CNIH3: variants seen among roughly 807,000 people sequenced by gnomAD.
CNIH3 encodes the protein protein cornichon homolog 3.
In CNIH3, 14 loss-of-function variants were observed where a neutral mutation model predicts 24.1. The observed-to-expected ratio is 0.58, with a 90% CI of 0.38 to 0.91. The LOEUF is 0.91. Ranked by LOEUF, CNIH3 falls within the 40% of genes least tolerant of loss-of-function variation. CNIH3 has a pLI of 0.00. For synonymous variants in CNIH3, 68 were observed against 73.8 expected (o/e 0.92, Z 0.40); for missense variants, 178 against 196.8 (o/e 0.90, Z 0.57).
intron 3 of CNIH3, among the ~76,000 whole-genome samples, chr1:224,594,720 C>T (rs980338721): frequency 6.6e-6 from 1 of 152,170 alleles, no homozygotes; most frequent in South Asian, 2.1e-4. Context: ...TAGGGATGGT[C>T]TCTAGTTGCC....
intron 1 of CNIH3, among the ~76,000 whole-genome samples, chr1:224,475,780 A>G (rs2103004422): frequency 6.6e-6 from 1 of 152,324 alleles, no homozygotes; most frequent in Middle Eastern, 3.4e-3. Context: ...AACTAGACAA[A>G]GCCTCACCAA....
At chr1:224,449,087 C>T (rs556451471) in intron 1 of CNIH3, among the ~76,000 whole-genome samples, 1 of 151,736 alleles carries the variant, frequency 6.6e-6, no homozygotes, top group East Asian at 2.0e-4. Context: ...GCCTCAGCCT[C>T]CCAAGTAGCT....
At chr1:224,524,815 T>C (rs72758387) in intron 2 of CNIH3, among the ~76,000 whole-genome samples, 1,636 of 152,260 alleles carry the variant, frequency 0.011, 12 homozygotes, top group Non-Finnish European at 0.018. Context: ...CGAGATTGTG[T>C]GGTTTATCCC....
chr1:224,688,525 C>T lies in CNIH3; in HGVS notation c.198+3682C>T, dbSNP rs150302872. Among the ~76,000 whole-genome samples, 18 of 152,052 alleles carry T rather than the reference C, an allele frequency of 1.2e-4. No homozygotes were observed. In the East Asian group the frequency reaches 3.6e-3, roughly 31 times the overall value. On this transcript the variant is annotated intron_variant, in intron 3 of 5. Coordinates refer to ENST00000272133, the MANE Select transcript of CNIH3 (RefSeq NM_152495.2). ...ACTAAGTAAGTGAGTGAATGAGTGCCAACTTTCTGGGACTTCTGTCATCTA... is the reference window on the plus strand; with the variant it reads ...ACTAAGTAAGTGAGTGAATGAGTGCTAACTTTCTGGGACTTCTGTCATCTA...
At chr1:224,536,732 C>T (rs1191584452) in intron 2 of CNIH3, among the ~76,000 whole-genome samples, 8 of 152,020 alleles carry the variant, frequency 5.3e-5, no homozygotes, top group African/African-American at 1.9e-4. Flanking sequence ...AATGATTGTC[C>T]AAAGAAAGAC....
chr1:224,637,438 A>G (rs1174090053), intron 1 of CNIH3, among the ~76,000 whole-genome samples: 2 of 151,086 alleles, frequency 1.3e-5, no homozygotes, highest in South Asian at 2.1e-4. Flanking sequence ...CTGCCAAACA[A>G]GGGGCAAAAC....
chr1:224,727,642 T>G (rs535253447), intron 3 of CNIH3, among the ~76,000 whole-genome samples: 2 of 152,284 alleles, frequency 1.3e-5, no homozygotes, highest in Admixed American at 6.5e-5. Context: ...GCAGGCCTCA[T>G]GCAAATGGCC....
At chr1:224,585,477 C>CT (rs200807437) in intron 5 of CNIH3, among the ~76,000 whole-genome samples, 24,482 of 145,188 alleles carry the variant, frequency 0.17, 2,086 homozygotes, top group East Asian at 0.21. Context: ...TTCTTTTATT[C>CT]TTTTTTTTTT....
chr1:224,589,478 G>T (rs1358239276), downstream of CNIH3, among the ~76,000 whole-genome samples: 1 of 152,214 alleles, frequency 6.6e-6, no homozygotes, highest in African/African-American at 2.4e-5. Context: ...TGAGTGAGCT[G>T]CAGCCTGCAG....
chr1:224,576,525 C>T (rs554063319), intron 4 of CNIH3, among the ~76,000 whole-genome samples: 1 of 152,274 alleles, frequency 6.6e-6, no homozygotes, highest in South Asian at 2.1e-4. Context: ...ACTTATTTCC[C>T]ACTAAGGAAG....
intron 1 of CNIH3, chr1:224,661,588 CT>C: frequency 2.6e-6 from 1 of 379,240 alleles, no homozygotes; most frequent in Non-Finnish European, 5.0e-6. Flanking sequence ...AAAAAATTCC[CT>C]GAAGACATCA....
intron 1 of CNIH3, among the ~76,000 whole-genome samples, chr1:224,634,404 A>G (rs1437672775): frequency 6.6e-6 from 1 of 152,020 alleles, no homozygotes; most frequent in African/African-American, 2.4e-5. Flanking sequence ...CCCCGTCTCT[A>G]CTAAAAGTAC....
chr1:224,619,720 T>C (rs1410337018), intron 1 of CNIH3, among the ~76,000 whole-genome samples: 2 of 152,218 alleles, frequency 1.3e-5, no homozygotes, highest in Non-Finnish European at 2.9e-5. Context: ...CAGCTTCTTA[T>C]ATTACTTATG....
At chr1:224,677,575 A>C (rs987975348) in intron 1 of CNIH3, among the ~76,000 whole-genome samples, 6 of 152,224 alleles carry the variant, frequency 3.9e-5, no homozygotes, top group Non-Finnish European at 8.8e-5. Context: ...GGCATAAGCC[A>C]CACTTCAGGC....
chr1:224,717,965 C>T (rs1688513897), intron 3 of CNIH3, among the ~76,000 whole-genome samples: 1 of 152,146 alleles, frequency 6.6e-6, no homozygotes, highest in Non-Finnish European at 1.5e-5. Context: ...GATAGCTATG[C>T]TTGTGTGGGG....
chr1:224,475,030 A>C (rs1259901996), intron 1 of CNIH3, among the ~76,000 whole-genome samples: 1 of 130,874 alleles, frequency 7.6e-6, no homozygotes, highest in African/African-American at 3.0e-5. Flanking sequence ...GAGCGACAGA[A>C]GGAGACTCCA....
At chr1:224,682,388 C>T (rs1188008821) in intron 2 of CNIH3, among the ~76,000 whole-genome samples, 2 of 152,212 alleles carry the variant, frequency 1.3e-5, no homozygotes, top group Admixed American at 6.5e-5. Flanking sequence ...CTCATCCTGC[C>T]ATCTACCCTG....
intron 4 of CNIH3, among the ~76,000 whole-genome samples, chr1:224,577,349 A>C (rs60500269): frequency 0.26 from 38,831 of 151,950 alleles, 5,122 homozygotes; most frequent in Admixed American, 0.35. Context: ...AGGAACTCAA[A>C]CAAATCAGCA....
chr1:224,579,246 G>T (rs1681169392), intron 4 of CNIH3, among the ~76,000 whole-genome samples: 1 of 151,754 alleles, frequency 6.6e-6, no homozygotes, highest in African/African-American at 2.4e-5. Context: ...CCAAGTTGTT[G>T]TTTTCTGTTT....
Sources: allele counts gnomAD v4.1 joint callset (sites outside exome capture counted in the v4.1 genomes callset), GRCh38; gene constraint gnomAD v4.1.1; transcripts MANE v1.5; gene names NCBI Gene and HGNC (gene_info 2026-07-23, HGNC 2026-07-21).